Variants in MAPRE2 observed in about 807,000 individuals in gnomAD.
MAPRE2 encodes the protein microtubule-associated protein RP/EB family member 2.
Under a neutral mutation model 43.2 loss-of-function variants are expected in MAPRE2, and 13 were observed. That is an observed-to-expected ratio of 0.30 (90% CI 0.20 to 0.48). The LOEUF is 0.48. Ranked by LOEUF, MAPRE2 falls within the 20% of genes least tolerant of loss-of-function variation. The pLI is 0.99. For missense variants in MAPRE2, 161 were observed against 400.2 expected (o/e 0.40, Z 5.10); for synonymous variants, 135 against 148.8 (o/e 0.91, Z 0.68).
intron 4 of MAPRE2, among the ~76,000 whole-genome samples, chr18:35,119,764 G>A (rs549814024): frequency 9.2e-5 from 14 of 152,268 alleles, no homozygotes; most frequent in African/African-American, 3.4e-4. Flanking sequence ...TTATACAGTA[G>A]TTGTTCACTG....
chr18:34,985,050 T>TAA (rs2097018743), intron 1 of MAPRE2, among the ~76,000 whole-genome samples: 1 of 51,846 alleles, frequency 1.9e-5, no homozygotes, highest in Non-Finnish European at 3.3e-5. Flanking sequence ...ATATAAAATA[T>TAA]ATTATATAAT....
At chr18:35,084,629 G>A (rs1365838235) in intron 2 of MAPRE2, among the ~76,000 whole-genome samples, 3 of 152,234 alleles carry the variant, frequency 2.0e-5, no homozygotes, top group Non-Finnish European at 2.9e-5. Flanking sequence ...AAGATGGGGT[G>A]CTTTTCAGCA....
chr18:35,042,706 T>G (rs1378679313), intron 1 of MAPRE2, among the ~76,000 whole-genome samples: 1 of 152,200 alleles, frequency 6.6e-6, no homozygotes, highest in Non-Finnish European at 1.5e-5. Context: ...ACAATGCTTT[T>G]GCTTTGAGGC....
chr18:35,111,879 T>C (rs1054329415), intron 4 of MAPRE2, among the ~76,000 whole-genome samples: 1 of 152,212 alleles, frequency 6.6e-6, no homozygotes, highest in African/African-American at 2.4e-5. Flanking sequence ...CAGGTACTCT[T>C]CTTGTCCCTT....
intron 2 of MAPRE2, among the ~76,000 whole-genome samples, chr18:35,086,905 C>T (rs1007697580): frequency 1.3e-5 from 2 of 152,078 alleles, no homozygotes; most frequent in Non-Finnish European, 2.9e-5. Flanking sequence ...ATGTTTCTTG[C>T]GTAATATATT....
intron 2 of MAPRE2, among the ~76,000 whole-genome samples, chr18:35,032,543 T>C (rs1225716588): frequency 2.0e-5 from 3 of 152,210 alleles, no homozygotes; most frequent in Admixed American, 6.5e-5. Context: ...ACAGAATTAT[T>C]TGTACTCTCT....
At chr18:35,016,200 G>A (rs998404284) in intron 2 of MAPRE2, among the ~76,000 whole-genome samples, 2 of 151,848 alleles carry the variant, frequency 1.3e-5, no homozygotes, top group African/African-American at 4.8e-5. Context: ...CCAATCCACT[G>A]TGGATAGACT....
intron 2 of MAPRE2, among the ~76,000 whole-genome samples, chr18:35,009,647 C>T (rs942931576): frequency 6.6e-6 from 1 of 152,190 alleles, no homozygotes; most frequent in Non-Finnish European, 1.5e-5. Flanking sequence ...CATTGACAGT[C>T]CCCTAAATGA....
intron 1 of MAPRE2, among the ~76,000 whole-genome samples, chr18:35,062,589 T>C (rs1906589554): frequency 6.6e-6 from 1 of 152,214 alleles, no homozygotes. Flanking sequence ...CAGTGTGGCC[T>C]TGACCTGGAC....
chr18:35,015,547 A>C (rs2097037612), intron 2 of MAPRE2, among the ~76,000 whole-genome samples: 1 of 151,830 alleles, frequency 6.6e-6, no homozygotes, highest in Non-Finnish European at 1.5e-5. Flanking sequence ...CAAATTTGTT[A>C]TCTACCCTAA....
chr18:35,009,110 G>T (rs1188483224), intron 2 of MAPRE2, among the ~76,000 whole-genome samples: 1 of 151,902 alleles, frequency 6.6e-6, no homozygotes, highest in South Asian at 2.1e-4. Context: ...CTTTACTGGG[G>T]AACTAAGATA....
chr18:35,053,328 A>G (rs1365188207), intron 1 of MAPRE2, among the ~76,000 whole-genome samples: 1 of 152,210 alleles, frequency 6.6e-6, no homozygotes, highest in Non-Finnish European at 1.5e-5. Context: ...CAGGAGGTGA[A>G]GGTTGCAGTG....
chr18:35,123,721 T>C (rs1455570145), intron 4 of MAPRE2, among the ~76,000 whole-genome samples: 1 of 152,244 alleles, frequency 6.6e-6, no homozygotes, highest in Non-Finnish European at 1.5e-5. Flanking sequence ...GACATTGGCA[T>C]CAGCTCCTCA....
intron 4 of MAPRE2, among the ~76,000 whole-genome samples, chr18:35,110,512 TTTATTTCATA>T (rs1909129510): frequency 6.6e-6 from 1 of 152,270 alleles, no homozygotes; most frequent in South Asian, 2.1e-4. Flanking sequence ...GGAAAAGTTG[TTTATTTCATA>T]TTTTTACTAT....
chr18:34,998,559 C>T (rs1049320172), intron 1 of MAPRE2, among the ~76,000 whole-genome samples: 2 of 151,798 alleles, frequency 1.3e-5, no homozygotes, highest in Admixed American at 1.3e-4. Context: ...GATCTCCTGA[C>T]CTCGTGATCT....
At chr18:35,048,333 G>C (rs1251070596) in intron 1 of MAPRE2, among the ~76,000 whole-genome samples, 1 of 151,820 alleles carries the variant, frequency 6.6e-6, no homozygotes, top group Non-Finnish European at 1.5e-5. Flanking sequence ...TCCAACACTG[G>C]GGATTTTAAT....
At chr18:34,993,999 T>C (rs932510101) in intron 1 of MAPRE2, among the ~76,000 whole-genome samples, 8 of 150,966 alleles carry the variant, frequency 5.3e-5, no homozygotes, top group African/African-American at 1.2e-4. Flanking sequence ...TTTCTTTTTT[T>C]TTTTTTTTTT....
upstream of MAPRE2, among the ~76,000 whole-genome samples, chr18:35,037,819 C>T (rs999988303): frequency 3.3e-5 from 5 of 152,134 alleles, no homozygotes; most frequent in African/African-American, 4.8e-5. Flanking sequence ...GGTGACTATT[C>T]GATCTCTATA....
chr18:35,134,607 G>A (rs1910305997), intron 6 of MAPRE2, among the ~76,000 whole-genome samples: 1 of 152,210 alleles, frequency 6.6e-6, no homozygotes, highest in African/African-American at 2.4e-5. Context: ...AACGAACATA[G>A]TACTAGTTGG....
Sources: allele counts gnomAD v4.1 joint callset (sites outside exome capture counted in the v4.1 genomes callset), GRCh38; gene constraint gnomAD v4.1.1; transcripts MANE v1.5; gene names NCBI Gene and HGNC (gene_info 2026-07-23, HGNC 2026-07-21).